The following RBL2 variants were observed in gnomAD, a reference collection of about 807,000 sequenced individuals.
RBL2 encodes the protein retinoblastoma-like protein 2.
Under a neutral mutation model 126.0 loss-of-function variants are expected in RBL2, and 56 were observed. That is an observed-to-expected ratio of 0.44 (90% CI 0.36 to 0.56). The LOEUF is 0.56. Among genes scored for constraint, RBL2 ranks in the 20% least tolerant of loss-of-function variants. The pLI is 0.00. For missense variants in RBL2, 1,229 were observed against 1,398.2 expected (o/e 0.88, Z 1.93); for synonymous variants, 454 against 478.5 (o/e 0.95, Z 0.67).
In RBL2 at chr16:53,443,001, C is replaced by CT. The variant is rs1480528213; in HGVS notation, c.572+150dup. The CT allele has an allele frequency of 4.2e-5, 27 of 639,774 alleles. No individual in the cohort carries two copies. In the East Asian group the frequency reaches 7.5e-4, roughly 18 times the overall value. 39.6% of individuals were successfully genotyped at this position (639,774 alleles called of 1,614,324 possible). Reference sequence around the variant, plus strand: ...CCTCAGTCGTTTTCTTTTAATGATGCTTTTTTTGCTTTTCATTGTGGGTTA... The same window carrying CT: ...CCTCAGTCGTTTTCTTTTAATGATGCTTTTTTTTGCTTTTCATTGTGGGTTA... On this transcript the variant is annotated intron_variant, in intron 3 of 21. Transcript: ENST00000262133.
chr16:53,438,843 C>CAAAAAAAAA (rs11302382), intron 1 of RBL2, among the ~76,000 whole-genome samples, 173 bp from the exon 2 acceptor site: 1 of 30,522 alleles, frequency 3.3e-5, no homozygotes, highest in African/African-American at 9.5e-5. Context: ...GATTCCATCT[C>CAAAAAAAAA]AAAAAAAAAA....
chr16:53,491,092 C>T lies in RBL2; in HGVS notation c.*792C>T, dbSNP rs1182062349. On this transcript the variant is annotated 3_prime_UTR_variant, in exon 22 of 22. Coordinates refer to ENST00000262133, the MANE Select transcript of RBL2 (RefSeq NM_005611.4). ...TTTATATTTTTTTAAAATGTTAAAA[C>T]CCCTATAGCCACCTTTTGGGAATGT... 1.3e-5 allele frequency: 2 copies of T among 152,536 alleles called. No homozygotes were observed. Among genetic ancestry groups the T allele is most frequent in the Non-Finnish European group, 2.9e-5 (2 of 68,032 alleles). 9.4% of individuals were successfully genotyped at this position (152,536 alleles called of 1,614,324 possible). A position where few individuals can be genotyped will look rare whatever the true frequency, so the allele number is the denominator to read the frequency against.
At position 53,453,631 on chromosome 16, in the gene RBL2, A is replaced by G. The variant is rs770525697; in HGVS notation, c.927+19A>G. On this transcript the variant is annotated intron_variant, in intron 6 of 21. Coordinates refer to ENST00000262133, the MANE Select transcript of RBL2 (RefSeq NM_005611.4). ...AAAAAAGGTTTGTAAGTAGCAAAGAAATAACGTGAAAATGTTTTCTGGAGA... is the reference window on the plus strand; with the variant it reads ...AAAAAAGGTTTGTAAGTAGCAAAGAGATAACGTGAAAATGTTTTCTGGAGA... 6 of 1,604,606 alleles carry G rather than the reference A, an allele frequency of 3.7e-6. No homozygotes were observed. Among genetic ancestry groups the G allele is most frequent in the Non-Finnish European group, 5.1e-6 (6 of 1,175,328 alleles).
chr16:53,451,866 G>C (rs764106214), intron 5 of RBL2, 35 bp downstream of exon 5: 1 of 1,607,832 alleles, frequency 6.2e-7, no homozygotes, highest in Non-Finnish European at 8.5e-7. Flanking sequence ...TGGGCAATCT[G>C]CGTTTCTGTG....
intron 13 of RBL2, 71 bp from the exon 14 acceptor site, chr16:53,466,987 A>T: frequency 1.0e-6 from 1 of 993,852 alleles, no homozygotes; most frequent in Non-Finnish European, 1.5e-6. Context: ...TTTCTGCCTT[A>T]GATTACTATT....
chr16:53,457,258 C>CCTTTTTTTTTT lies in RBL2; in HGVS notation c.1180-2193_1180-2192insCTTTTTTTTTT, dbSNP rs1555566426. On this transcript the variant is annotated intron_variant, in intron 8 of 21. Transcript: ENST00000262133. ...GGGTCATCAGGGTGGGTACAGATAG[C>CCTTTTTTTTTT]TTTTTTTTTTTTTTTTTTTGAGATG... Among the ~76,000 whole-genome samples, 452 of 89,872 alleles carry CCTTTTTTTTTT rather than the reference C, an allele frequency of 5.0e-3. 56 individuals carry two copies. The highest frequency in any genetic ancestry group is 7.9e-3 in the African/African-American group (132 of 16,714). 59.0% of individuals were successfully genotyped at this position (89,872 alleles called of 152,430 possible).
rs186855602 is a variant in RBL2, at chr16:53,461,500, T to A, written c.1347-241T>A. 9.9e-4 allele frequency among the ~76,000 whole-genome samples: 150 copies of A among 150,962 alleles called. No individual in the cohort carries two copies. The East Asian group carries it at 0.01, about 10-fold the overall frequency. ...GAGCGAGACTCTGTCTCAAAAAAAA[T>A]ATATATATATAAAATAAAAGGTGTA... On this transcript the variant is annotated intron_variant, in intron 9 of 21. Transcript: ENST00000262133.
At chr16:53,489,922 GAAC>G (rs1258792418) in intron 21 of RBL2, 8 of 372,896 alleles carry the variant, frequency 2.1e-5, no homozygotes, top group East Asian at 3.9e-5. Flanking sequence ...GTTAAAAATA[GAAC>G]TACTCAGCCC....
At chr16:53,444,982 G>A (rs1416899193) in intron 3 of RBL2, among the ~76,000 whole-genome samples, 1 of 152,136 alleles carries the variant, frequency 6.6e-6, no homozygotes, top group Non-Finnish European at 1.5e-5. Context: ...ATTTCAGATT[G>A]CACTTGTTTT....
At chr16:53,462,923 C>CT (rs2058236944) in intron 11 of RBL2, among the ~76,000 whole-genome samples, 1 of 152,192 alleles carries the variant, frequency 6.6e-6, no homozygotes, top group Admixed American at 6.5e-5. Context: ...TCAATGCAAC[C>CT]TCCGCCTCCT....
At chr16:53,435,345 C>T (rs1370221704) in intron 1 of RBL2, among the ~76,000 whole-genome samples, 1 of 152,102 alleles carries the variant, frequency 6.6e-6, no homozygotes, top group Non-Finnish European at 1.5e-5. Context: ...ACTCATTTCC[C>T]CCCAGGCCAG....
intron 7 of RBL2, 74 bp downstream of exon 7, chr16:53,453,843 A>G (rs1598100359): frequency 1.5e-6 from 2 of 1,310,630 alleles, no homozygotes; most frequent in Non-Finnish European, 2.1e-6. Flanking sequence ...TAGTGTTTTT[A>G]TTGTTTGTAC....
At chr16:53,458,152 G>T (rs2058186403) in intron 8 of RBL2, among the ~76,000 whole-genome samples, 2 of 152,192 alleles carry the variant, frequency 1.3e-5, no homozygotes, top group Admixed American at 1.3e-4. Context: ...ATGTAGGTTT[G>T]TTTCTGTATA....
At chr16:53,439,954 C>CAAAAAAAAAAAAA (rs10591959) in intron 2 of RBL2, among the ~76,000 whole-genome samples, 2 of 91,964 alleles carry the variant, frequency 2.2e-5, no homozygotes, top group African/African-American at 8.1e-5. Context: ...ACCTTGTCTC[C>CAAAAAAAAAAAAA]AAAAAAAAAA....
chr16:53,471,303 CTATT>C (rs2058320669), intron 17 of RBL2, among the ~76,000 whole-genome samples: 1 of 152,112 alleles, frequency 6.6e-6, no homozygotes, highest in African/African-American at 2.4e-5. Flanking sequence ...TGTGTTTTAA[CTATT>C]TAGGGAATTG....
At chr16:53,439,504 T>G (rs1025123009) in intron 2 of RBL2, among the ~76,000 whole-genome samples, 1 of 152,204 alleles carries the variant, frequency 6.6e-6, no homozygotes, top group Non-Finnish European at 1.5e-5. Context: ...GCTATTATAC[T>G]TAGAAATATG....
intron 8 of RBL2, among the ~76,000 whole-genome samples, chr16:53,457,401 A>T (rs1421860962): frequency 6.6e-6 from 1 of 151,484 alleles, no homozygotes; most frequent in African/African-American, 2.4e-5. Context: ...CTGGGATTAC[A>T]GGTGCCTGCC....
intron 1 of RBL2, among the ~76,000 whole-genome samples, chr16:53,437,956 G>A (rs567507549): frequency 5.3e-4 from 80 of 152,168 alleles, no homozygotes; most frequent in African/African-American, 1.9e-3. Context: ...GAACCTGGGA[G>A]GCAGAGCTTG....
At chr16:53,442,373 C>T (rs148475582) in intron 2 of RBL2, among the ~76,000 whole-genome samples, 2 of 152,062 alleles carry the variant, frequency 1.3e-5, no homozygotes, top group East Asian at 1.9e-4. Flanking sequence ...AGTGAACCAA[C>T]GTGAATGTTG....
Sources: allele counts gnomAD v4.1 joint callset (sites outside exome capture counted in the v4.1 genomes callset), GRCh38; gene constraint gnomAD v4.1.1; transcripts MANE v1.5; gene names NCBI Gene and HGNC (gene_info 2026-07-23, HGNC 2026-07-21).